The following MKX variants were observed in gnomAD, a reference collection of about 807,000 sequenced individuals.
MKX encodes mohawk homeobox, also known as homeobox protein Mohawk.
In MKX, 13 loss-of-function variants were observed where a neutral mutation model predicts 36.0. That is an observed-to-expected ratio of 0.36 (90% CI 0.24 to 0.57). MKX has a LOEUF of 0.57. Among genes scored for constraint, MKX ranks in the 20% least tolerant of loss-of-function variants. The pLI, the probability that MKX is intolerant of heterozygous loss-of-function variation, is 0.79. For missense variants in MKX, 458 were observed against 456.4 expected, an observed-to-expected ratio of 1.00 and a Z score of -0.03; for synonymous variants, 176 against 178.3, an observed-to-expected ratio of 0.99 and a Z score of 0.10.
At chr10:27,736,845 T>C (rs1834790074) in intron 3 of MKX, among the ~76,000 whole-genome samples, 1 of 152,188 alleles carries the variant, frequency 6.6e-6, no homozygotes, top group Non-Finnish European at 1.5e-5. Flanking sequence ...AGTTATCCTT[T>C]CAAATTTATA....
At chr10:27,680,383 A>AAAAGAAAAAAAAAAAAAAAAAAAAAG (rs1554768913) in intron 5 of MKX, among the ~76,000 whole-genome samples, 1 of 143,110 alleles carries the variant, frequency 7.0e-6, no homozygotes, top group Non-Finnish European at 1.5e-5. Flanking sequence ...AAAAAAAAAA[A>AAAAGAAAAAAAAAAAAAAAAAAAAAG]AGGTGTGTAG....
At position 27,743,457 on chromosome 10, in the gene MKX, C is replaced by T; in HGVS notation, c.-42G>A. Reference sequence around the variant, plus strand: ...GACGCGCGGCGCGGCCGCAGAGCCTCGGGGCTGGGCCGCCGGGAGCTCCGC... The same window carrying T: ...GACGCGCGGCGCGGCCGCAGAGCCTTGGGGCTGGGCCGCCGGGAGCTCCGC... On this transcript the variant is annotated 5_prime_UTR_variant, in exon 2 of 7. Coordinates refer to ENST00000419761, the MANE Select transcript of MKX (RefSeq NM_173576.3). 1 of 1,477,228 alleles carries T rather than the reference C, an allele frequency of 6.8e-7. No homozygotes were observed. Among genetic ancestry groups the T allele is most frequent in the Non-Finnish European group, 8.9e-7 (1 of 1,120,530 alleles). 91.5% of individuals were successfully genotyped at this position (1,477,228 alleles called of 1,614,324 possible).
chr10:27,711,429 C>CTTTCTTTCTTTCTT (rs1399262532), intron 5 of MKX, among the ~76,000 whole-genome samples: 2 of 114,654 alleles, frequency 1.7e-5, no homozygotes, highest in East Asian at 3.1e-4. Flanking sequence ...TCTTTCTTTT[C>CTTTCTTTCTTTCTT]TCTTTCTTTC....
chr10:27,720,206 A>T (rs1834347186), intron 5 of MKX, among the ~76,000 whole-genome samples: 1 of 152,092 alleles, frequency 6.6e-6, no homozygotes, highest in African/African-American at 2.4e-5. Context: ...CATCAGGAAG[A>T]GTTAATGCTA....
intron 5 of MKX, among the ~76,000 whole-genome samples, chr10:27,698,802 T>C (rs1254494495): frequency 6.6e-6 from 1 of 152,140 alleles, no homozygotes; most frequent in East Asian, 1.9e-4. Context: ...GTTTTGATAT[T>C]TTCTCCTCAA....
chr10:27,704,382 CTG>C (rs1836713928), intron 5 of MKX, among the ~76,000 whole-genome samples: 1 of 152,022 alleles, frequency 6.6e-6, no homozygotes, highest in African/African-American at 2.4e-5. Flanking sequence ...GCTAGAAAAA[CTG>C]TGAAAAAAGA....
intron 3 of MKX, among the ~76,000 whole-genome samples, 194 bp from the exon 4 acceptor site, chr10:27,735,568 G>C (rs1323102357): frequency 1.3e-5 from 2 of 152,012 alleles, no homozygotes; most frequent in African/African-American, 4.8e-5. Context: ...TGAGCATTTA[G>C]TGTATTTGTG....
intron 5 of MKX, among the ~76,000 whole-genome samples, chr10:27,698,777 T>C (rs1332072129): frequency 6.6e-6 from 1 of 152,170 alleles, no homozygotes; most frequent in African/African-American, 2.4e-5. Context: ...AGCAACATAT[T>C]TGGAAAGACA....
chr10:27,734,661 G>C lies in MKX; in HGVS notation c.633C>G (p.Asp211Glu). 2 of 1,614,138 alleles carry C rather than the reference G, an allele frequency of 1.2e-6. No homozygotes were observed. The highest frequency in any genetic ancestry group is 1.7e-6 in the Non-Finnish European group (2 of 1,180,016). Residue 211 changes from aspartate (D) to glutamate (E), a missense_variant, in exon 5 of 7, where the codon GAC becomes GAG. Around this residue, in one of 3 missense-constraint regions of MKX, gnomAD observed 297 missense variants for 304.4 expected, o/e 0.98. Coordinates refer to ENST00000419761, the MANE Select transcript of MKX (RefSeq NM_173576.3). ...TCTTGTATTTGGGGGGTGCCACGTA[G>C]TCCTCACTGGCCCGTGACTCTGGCC... ...GVRPESRASE[D>E]YVAPPKYKSS...
intron 5 of MKX, among the ~76,000 whole-genome samples, chr10:27,696,381 G>A (rs1389500320): frequency 6.6e-6 from 1 of 152,118 alleles, no homozygotes; most frequent in African/African-American, 2.4e-5. Flanking sequence ...CTCCACAACT[G>A]CAAACATTGT....
intron 5 of MKX, among the ~76,000 whole-genome samples, chr10:27,691,823 T>C (rs1836459355): frequency 6.6e-6 from 1 of 152,330 alleles, no homozygotes; most frequent in African/African-American, 2.4e-5. Context: ...TTTCTTCCTG[T>C]GTTAATTTGC....
chr10:27,743,578 G>A, intron 1 of MKX, 81 bp from the exon 2 acceptor site: 2 of 757,060 alleles, frequency 2.6e-6, no homozygotes, highest in Non-Finnish European at 1.9e-6. Context: ...GAACTTGGCC[G>A]GGTCGCCGGG....
At chr10:27,733,818 TC>T (rs1834688688) in intron 5 of MKX, among the ~76,000 whole-genome samples, 2 of 152,316 alleles carry the variant, frequency 1.3e-5, no homozygotes, top group South Asian at 4.1e-4. Flanking sequence ...TAGGAATCGA[TC>T]CTTTATTTCT....
chr10:27,702,963 A>C (rs1836684677), intron 5 of MKX, among the ~76,000 whole-genome samples: 1 of 152,228 alleles, frequency 6.6e-6, no homozygotes, highest in Admixed American at 6.5e-5. Flanking sequence ...ACTTTTTTAC[A>C]AGAAGGTGAC....
chr10:27,703,922 T>C (rs1836707054), intron 5 of MKX, among the ~76,000 whole-genome samples: 1 of 151,262 alleles, frequency 6.6e-6, no homozygotes, highest in South Asian at 2.1e-4. Flanking sequence ...ACCAAAATGA[T>C]CAGCAAATTT....
intron 5 of MKX, among the ~76,000 whole-genome samples, chr10:27,695,290 G>T (rs536624333): frequency 6.6e-6 from 1 of 152,132 alleles, no homozygotes; most frequent in Non-Finnish European, 1.5e-5. Context: ...GCCACCCACA[G>T]TGGAAGCTGA....
Position 27,674,573 on chromosome 10 carries a change from T to A in MKX, c.*656A>T, listed in dbSNP as rs1836106616. On this transcript the variant is annotated 3_prime_UTR_variant, in exon 7 of 7. Transcript: ENST00000419761. ...AAAAAGTTTTCCTGGTCACCATGTG[T>A]TCAATGAAATTTTAAATTAGCTTGA... The A allele has an allele frequency of 6.6e-6, 1 of 152,364 alleles. No homozygotes were observed. The highest frequency in any genetic ancestry group is 1.5e-5 in the Non-Finnish European group (1 of 68,026). The allele number at this position is 152,364 out of a possible 1,614,324, so 9.4% of individuals were successfully genotyped here.
intron 5 of MKX, among the ~76,000 whole-genome samples, chr10:27,694,325 T>G (rs1388677969): frequency 6.6e-6 from 1 of 151,822 alleles, no homozygotes; most frequent in Non-Finnish European, 1.5e-5. Context: ...CCAGATCCAT[T>G]TATCTATACT....
At chr10:27,710,059 T>C (rs929585472) in intron 5 of MKX, among the ~76,000 whole-genome samples, 2 of 152,226 alleles carry the variant, frequency 1.3e-5, no homozygotes, top group Non-Finnish European at 2.9e-5. Flanking sequence ...ATATTTCACA[T>C]GCTGGGTTGC....
Sources: allele counts gnomAD v4.1 joint callset (sites outside exome capture counted in the v4.1 genomes callset), GRCh38; gene constraint gnomAD v4.1.1; regional missense constraint gnomAD v4.1.1; transcripts MANE v1.5; gene names NCBI Gene and HGNC (gene_info 2026-07-23, HGNC 2026-07-21).